Variants in MIX23 observed in about 807,000 individuals in gnomAD.
MIX23 encodes protein MIX23.
MIX23 carries 13 observed loss-of-function variants against 21.6 expected under a neutral mutation model. That is an observed-to-expected ratio of 0.60 (90% CI 0.39 to 0.96). MIX23 has a LOEUF of 0.96. Ranked by LOEUF, MIX23 falls within the 40% of genes least tolerant of loss-of-function variation. The pLI is 0.00. For synonymous variants in MIX23, 59 were observed against 58.0 expected, an observed-to-expected ratio of 1.02 and a Z score of -0.08; for missense variants, 144 against 171.2, an observed-to-expected ratio of 0.84 and a Z score of 0.89.
chr3:122,379,315 G>A (rs2075512498), intron 1 of MIX23, among the ~76,000 whole-genome samples: 1 of 152,160 alleles, frequency 6.6e-6, no homozygotes, highest in Admixed American at 6.5e-5. Flanking sequence ...GCCCCTCAGT[G>A]TTTTTGTGGT....
chr3:122,359,968 T>A (rs1432752691), intron 4 of MIX23, 49 bp from the exon 5 acceptor site: 1 of 1,522,420 alleles, frequency 6.6e-7, no homozygotes. Flanking sequence ...CCTGCGTAAA[T>A]CAGGCCTGGA....
chr3:122,382,919 G>C (rs2075546034), intron 1 of MIX23, among the ~76,000 whole-genome samples: 1 of 152,202 alleles, frequency 6.6e-6, no homozygotes. Context: ...CTTTACCACA[G>C]CAGATTACCC....
At chr3:122,372,814 G>GT (rs1399941424) in intron 1 of MIX23, among the ~76,000 whole-genome samples, 1 of 152,062 alleles carries the variant, frequency 6.6e-6, no homozygotes, top group Non-Finnish European at 1.5e-5. Flanking sequence ...CTGGGCAATA[G>GT]TAAGACCCTG....
intron 1 of MIX23, among the ~76,000 whole-genome samples, chr3:122,374,402 C>G (rs1278022538): frequency 6.6e-6 from 1 of 152,126 alleles, no homozygotes; most frequent in East Asian, 1.9e-4. Context: ...CAAGGATGCT[C>G]AAGTCCCTGA....
intron 3 of MIX23, chr3:122,366,530 T>A (rs2075398003): frequency 6.6e-6 from 1 of 152,242 alleles, no homozygotes; most frequent in Non-Finnish European, 1.5e-5. Flanking sequence ...CGAGGTCCCC[T>A]TTTCAAAGTT....
At chr3:122,376,628 C>CA (rs2075489224) in intron 1 of MIX23, among the ~76,000 whole-genome samples, 1 of 151,562 alleles carries the variant, frequency 6.6e-6, no homozygotes, top group South Asian at 2.1e-4. Flanking sequence ...TCCAAGTCTC[C>CA]AAAAAAAGAA....
intron 1 of MIX23, 38 bp downstream of exon 1, chr3:122,383,136 G>C (rs373699839): frequency 1.2e-6 from 2 of 1,613,000 alleles, no homozygotes; most frequent in Non-Finnish European, 1.7e-6. Context: ...GGGGACAAAA[G>C]GAGGCACATG....
intron 1 of MIX23, chr3:122,372,928 G>T (rs1209296713): frequency 1.6e-5 from 6 of 365,690 alleles, no homozygotes; most frequent in Admixed American, 3.5e-5. Flanking sequence ...ATATTAATAT[G>T]TATTAAAAGC....
chr3:122,363,285 A>C (rs969533611), intron 3 of MIX23, among the ~76,000 whole-genome samples: 1 of 148,714 alleles, frequency 6.7e-6, no homozygotes, highest in Non-Finnish European at 1.5e-5. Context: ...AAAATATCCC[A>C]AGGCCAGTCA....
At position 122,383,190 on chromosome 3, in the gene MIX23, TC is replaced by T; in HGVS notation, c.34del (p.Glu12SerfsTer11). The T allele has an allele frequency of 6.2e-7, 1 of 1,613,440 alleles. No individual in the cohort carries two copies. Among genetic ancestry groups the T allele is most frequent in the Non-Finnish European group, 8.5e-7 (1 of 1,180,024 alleles). On this transcript the variant is annotated frameshift_variant, in exon 1 of 5. Transcript: ENST00000291458. LOFTEE classifies it high-confidence loss of function. ...CCCCATCACCTGGAACTCGGCGAAC[TC>T]CTCACAGTTCACACCGCCACTGGGC... The part of the protein sequence containing the change: ...AAPSGGVNCE[E>X]FAEFQELLKV...
At chr3:122,375,020 T>A (rs1332147172) in intron 1 of MIX23, among the ~76,000 whole-genome samples, 1 of 152,068 alleles carries the variant, frequency 6.6e-6, no homozygotes, top group Non-Finnish European at 1.5e-5. Flanking sequence ...TCCCAGCAAT[T>A]TGAGAGGCTG....
chr3:122,375,033 G>C (rs752247208), intron 1 of MIX23, among the ~76,000 whole-genome samples: 1 of 152,132 alleles, frequency 6.6e-6, no homozygotes, highest in Non-Finnish European at 1.5e-5. Context: ...AGAGGCTGAG[G>C]CAAGGTAGGA....
chr3:122,377,233 A>G (rs775060502), intron 1 of MIX23, among the ~76,000 whole-genome samples: 7 of 146,954 alleles, frequency 4.8e-5, no homozygotes, highest in Non-Finnish European at 7.6e-5. Flanking sequence ...TAAATTAGAA[A>G]AAACAAAAAA....
intron 1 of MIX23, among the ~76,000 whole-genome samples, chr3:122,379,182 T>C (rs529233224): frequency 2.0e-4 from 31 of 151,892 alleles, no homozygotes; most frequent in Admixed American, 3.9e-4. Context: ...CGAAATAAAG[T>C]GTGGGTGATG....
intron 2 of MIX23, among the ~76,000 whole-genome samples, chr3:122,369,491 G>A (rs916266120): frequency 2.6e-5 from 4 of 152,190 alleles, no homozygotes; most frequent in Non-Finnish European, 5.9e-5. Flanking sequence ...GGAACTCAGT[G>A]GTGCTTATTG....
At chr3:122,375,325 G>C (rs1341672494) in intron 1 of MIX23, among the ~76,000 whole-genome samples, 1 of 152,188 alleles carries the variant, frequency 6.6e-6, no homozygotes, top group Non-Finnish European at 1.5e-5. Context: ...AACTTATGGT[G>C]GGGGAGACTG....
chr3:122,376,175 A>AAG (rs1391944415), intron 1 of MIX23, among the ~76,000 whole-genome samples: 7 of 151,180 alleles, frequency 4.6e-5, no homozygotes, highest in Non-Finnish European at 8.9e-5. Flanking sequence ...TCAAAAAAAA[A>AAG]AAAAAAAAAA....
chr3:122,365,175 T>C (rs772510277), intron 3 of MIX23, among the ~76,000 whole-genome samples: 1 of 152,240 alleles, frequency 6.6e-6, no homozygotes, highest in Non-Finnish European at 1.5e-5. Flanking sequence ...GTGCTTTTTT[T>C]GAGTTAAATA....
rs188381232 is a variant in MIX23 at position 122,365,350 on chromosome 3, G to A, written c.325-2323C>T. On this transcript the variant is annotated intron_variant, in intron 3 of 4. Transcript: ENST00000291458. ...CTACCACTTACTAGCTTGTGGCTTT[G>A]GGGGTGTCAGTTAGTATCTCAAGTA... 4.6e-5 allele frequency: 7 copies of A among 152,230 alleles called. No homozygotes were observed. In the East Asian group the frequency reaches 1.3e-3, roughly 29 times the overall value. 9.4% of individuals were successfully genotyped at this position (152,230 alleles called of 1,614,324 possible). A position where few individuals can be genotyped will look rare whatever the true frequency, so the allele number is the denominator to read the frequency against.
Sources: allele counts gnomAD v4.1 joint callset (sites outside exome capture counted in the v4.1 genomes callset), GRCh38; gene constraint gnomAD v4.1.1; transcripts MANE v1.5; gene names NCBI Gene and HGNC (gene_info 2026-07-23, HGNC 2026-07-21).